SCFD2: variants seen among roughly 807,000 people sequenced by gnomAD.
SCFD2 encodes the protein sec1 family domain-containing protein 2.
SCFD2 carries 54 observed loss-of-function variants against 58.9 expected under a neutral mutation model. The ratio of observed to expected loss-of-function variants is 0.92; its 90% confidence interval spans 0.74 to 1.15. SCFD2 has a LOEUF of 1.15. Among genes scored for constraint, SCFD2 ranks in the 50% most tolerant of loss-of-function variants. The pLI is 0.00. For synonymous variants in SCFD2, 321 were observed against 335.9 expected, an observed-to-expected ratio of 0.96 and a Z score of 0.49; for missense variants, 805 against 836.6, an observed-to-expected ratio of 0.96 and a Z score of 0.47.
chr4:53,220,393 G>A (rs1387949039), intron 4 of SCFD2, among the ~76,000 whole-genome samples: 1 of 152,210 alleles, frequency 6.6e-6, no homozygotes, highest in African/African-American at 2.4e-5. Context: ...TTGTGTGAAG[G>A]CAGGGACTCT....
intron 5 of SCFD2, among the ~76,000 whole-genome samples, chr4:52,962,978 G>A (rs1435594970): frequency 6.6e-6 from 1 of 152,140 alleles, no homozygotes; most frequent in East Asian, 1.9e-4. Context: ...TAGAAAGAAG[G>A]GCCAAGGCCT....
chr4:52,992,756 G>T, intron 5 of SCFD2, among the ~76,000 whole-genome samples: 1 of 151,782 alleles, frequency 6.6e-6, no homozygotes, highest in East Asian at 2.0e-4. Context: ...CCCGGCAGCC[G>T]CCCCATGTGT....
chr4:53,178,892 G>A (rs1164898493), intron 4 of SCFD2, among the ~76,000 whole-genome samples: 1 of 152,198 alleles, frequency 6.6e-6, no homozygotes, highest in African/African-American at 2.4e-5. Context: ...CTGGAAGACA[G>A]GGTATCAGTG....
chr4:53,299,525 A>G (rs1345491435), intron 3 of SCFD2, among the ~76,000 whole-genome samples: 1 of 152,218 alleles, frequency 6.6e-6, no homozygotes, highest in Non-Finnish European at 1.5e-5. Flanking sequence ...AACACTCTGC[A>G]GGATATTATC....
chr4:53,032,076 G>C (rs1213379814), intron 5 of SCFD2, among the ~76,000 whole-genome samples: 4 of 152,210 alleles, frequency 2.6e-5, no homozygotes, highest in African/African-American at 9.6e-5. Flanking sequence ...GCCCATCAGA[G>C]TAACAGTGGA....
chr4:52,919,885 C>A (rs1235986430), intron 6 of SCFD2, among the ~76,000 whole-genome samples: 1 of 152,222 alleles, frequency 6.6e-6, no homozygotes, highest in Non-Finnish European at 1.5e-5. Context: ...CCACTAACAG[C>A]ACATTCAGCT....
At chr4:53,095,915 T>C (rs1186287231) in intron 5 of SCFD2, among the ~76,000 whole-genome samples, 1 of 151,108 alleles carries the variant, frequency 6.6e-6, no homozygotes, top group Non-Finnish European at 1.5e-5. Flanking sequence ...TTCCCCTTCC[T>C]GTGCCCAGGT....
At chr4:52,978,350 C>A (rs1030101826) in intron 5 of SCFD2, among the ~76,000 whole-genome samples, 1 of 152,108 alleles carries the variant, frequency 6.6e-6, no homozygotes, top group Non-Finnish European at 1.5e-5. Context: ...TCTCTGATGA[C>A]CCCCTAGGCA....
intron 3 of SCFD2, among the ~76,000 whole-genome samples, chr4:53,277,837 G>C (rs1460810179): frequency 6.6e-6 from 1 of 151,896 alleles, no homozygotes; most frequent in Admixed American, 6.6e-5. Context: ...CAGATCACGA[G>C]GTCAGGAGAT....
At chr4:53,040,793 A>G (rs1722879268) in intron 5 of SCFD2, among the ~76,000 whole-genome samples, 1 of 152,150 alleles carries the variant, frequency 6.6e-6, no homozygotes, top group Non-Finnish European at 1.5e-5. Flanking sequence ...TTGATGGTTC[A>G]TGCCTTACTG....
chr4:53,233,229 A>T (rs1182237914), intron 4 of SCFD2, among the ~76,000 whole-genome samples: 1 of 152,172 alleles, frequency 6.6e-6, no homozygotes, highest in Non-Finnish European at 1.5e-5. Flanking sequence ...AGAAAAAAAA[A>T]ATCCTAGCAC....
At chr4:52,880,703 A>G (rs1361532052) in intron 8 of SCFD2, among the ~76,000 whole-genome samples, 1 of 152,244 alleles carries the variant, frequency 6.6e-6, no homozygotes, top group East Asian at 1.9e-4. Flanking sequence ...GGGTGCGGCA[A>G]GCACGTGCCT....
intron 5 of SCFD2, among the ~76,000 whole-genome samples, chr4:53,033,718 GA>G (rs942697134): frequency 1.3e-5 from 2 of 152,078 alleles, no homozygotes. Flanking sequence ...AGAAAATCTA[GA>G]AAAAATGGAT....
At chr4:53,334,706 C>G (rs1733619624) in intron 2 of SCFD2, among the ~76,000 whole-genome samples, 1 of 151,848 alleles carries the variant, frequency 6.6e-6, no homozygotes, top group Admixed American at 6.6e-5. Flanking sequence ...ACATATGTAA[C>G]TAACCTGCAC....
intron 4 of SCFD2, among the ~76,000 whole-genome samples, chr4:53,204,472 T>C (rs1370123854): frequency 6.8e-6 from 1 of 147,956 alleles, no homozygotes; most frequent in East Asian, 2.0e-4. Context: ...AAAATAAAAA[T>C]TCAATAAAAA....
intron 2 of SCFD2, among the ~76,000 whole-genome samples, chr4:53,328,523 A>G (rs1006391796): frequency 2.2e-4 from 33 of 152,216 alleles, no homozygotes; most frequent in Non-Finnish European, 3.8e-4. Context: ...ATAATAAAAA[A>G]TGAGTTATAA....
At chr4:53,001,852 T>C (rs1721871677) in intron 5 of SCFD2, among the ~76,000 whole-genome samples, 1 of 152,242 alleles carries the variant, frequency 6.6e-6, no homozygotes, top group Non-Finnish European at 1.5e-5. Context: ...TGCATTATTA[T>C]GCCATTTTAC....
intron 2 of SCFD2, among the ~76,000 whole-genome samples, chr4:53,342,239 C>T (rs1273143871): frequency 6.6e-6 from 1 of 151,976 alleles, no homozygotes; most frequent in Non-Finnish European, 1.5e-5. Context: ...CACACACAGG[C>T]TCAAAACAAA....
intron 4 of SCFD2, among the ~76,000 whole-genome samples, chr4:53,205,635 G>A (rs752075626): frequency 3.3e-5 from 5 of 151,914 alleles, no homozygotes; most frequent in African/African-American, 7.3e-5. Flanking sequence ...CGAGGTGGGC[G>A]GATCACGAGG....
Sources: allele counts gnomAD v4.1 joint callset (sites outside exome capture counted in the v4.1 genomes callset), GRCh38; gene constraint gnomAD v4.1.1; transcripts MANE v1.5; gene names NCBI Gene and HGNC (gene_info 2026-07-23, HGNC 2026-07-21).